The following ANO4 variants were observed in gnomAD, a reference collection of about 807,000 sequenced individuals.
ANO4 encodes the protein anoctamin-4.
A neutral mutation model predicts 141.9 loss-of-function variants in ANO4; 69 were observed. That is an observed-to-expected ratio of 0.49 (90% CI 0.40 to 0.59). ANO4 has a LOEUF of 0.59. Among genes scored for constraint, ANO4 ranks in the 20% least tolerant of loss-of-function variants. The pLI is 0.00. For missense variants in ANO4, 894 were observed against 1,162.2 expected (o/e 0.77, Z 3.36); for synonymous variants, 350 against 394.3 (o/e 0.89, Z 1.33).
chr12:100,987,635 C>T lies in ANO4; in HGVS notation c.699C>T (p.Cys233=). The change falls in exon 8 of 28, where the codon TGC becomes TGT. Residue 233 remains cysteine (C), a synonymous_variant. Coordinates refer to ENST00000392977, the MANE Select transcript of ANO4 (RefSeq NM_001286615.2). ...TGCCAGACCTGGAGGAGAATGACTG[C>T]TACACTGCCCCTTTCAGCCAGCAAA... ...ETLPDLEEND[C]YTAPFSQQRI... 1 of 1,614,074 alleles carries T rather than the reference C, an allele frequency of 6.2e-7. No individual in the cohort carries two copies. The highest frequency in any genetic ancestry group is 8.5e-7 in the Non-Finnish European group (1 of 1,179,986).
At chr12:100,886,573 C>G (rs1450037336) in intron 1 of ANO4, among the ~76,000 whole-genome samples, 1 of 152,170 alleles carries the variant, frequency 6.6e-6, no homozygotes, top group Non-Finnish European at 1.5e-5. Flanking sequence ...ACCCACCACT[C>G]TCTTTGTGAA....
At chr12:100,886,799 A>G (rs1159494686) in intron 1 of ANO4, among the ~76,000 whole-genome samples, 2 of 152,124 alleles carry the variant, frequency 1.3e-5, no homozygotes, top group African/African-American at 4.8e-5. Context: ...CCCAAAATAA[A>G]TTATGCTCTG....
chr12:101,037,360 T>C (rs1337200355), intron 10 of ANO4, among the ~76,000 whole-genome samples: 1 of 152,214 alleles, frequency 6.6e-6, no homozygotes, highest in Non-Finnish European at 1.5e-5. Flanking sequence ...ATTGCGAGAA[T>C]ACTTAAATCA....
intron 1 of ANO4, among the ~76,000 whole-genome samples, chr12:100,858,398 C>T (rs541406833): frequency 1.3e-5 from 2 of 151,922 alleles, no homozygotes; most frequent in African/African-American, 4.8e-5. Flanking sequence ...ATATGTGGTC[C>T]GTCATTATGA....
intron 2 of ANO4, among the ~76,000 whole-genome samples, chr12:100,919,732 GTATGTATC>G (rs1487070281): frequency 0.013 from 1,412 of 111,920 alleles, 10 homozygotes; most frequent in Middle Eastern, 0.018. Flanking sequence ...ATGTGTGTAT[GTATGTATC>G]TATCTATCTA....
intron 22 of ANO4, among the ~76,000 whole-genome samples, chr12:101,110,001 A>G (rs914515278): frequency 6.6e-6 from 1 of 152,094 alleles, no homozygotes; most frequent in Admixed American, 6.5e-5. Context: ...GGGTGCCTTC[A>G]AGTTTGTTCT....
chr12:100,982,058 A>C (rs1402110262), intron 7 of ANO4, among the ~76,000 whole-genome samples: 1 of 152,182 alleles, frequency 6.6e-6, no homozygotes, highest in African/African-American at 2.4e-5. Flanking sequence ...ATGAATCAGC[A>C]TGAAGGAAAC....
intron 26 of ANO4, among the ~76,000 whole-genome samples, chr12:101,121,929 T>A (rs2051113666): frequency 6.6e-6 from 1 of 151,938 alleles, no homozygotes; most frequent in Non-Finnish European, 1.5e-5. Flanking sequence ...ACCTGGCTAA[T>A]TTTTGTATTT....
At chr12:100,932,872 A>G (rs2042136675) in intron 3 of ANO4, among the ~76,000 whole-genome samples, 1 of 152,088 alleles carries the variant, frequency 6.6e-6, no homozygotes, top group Admixed American at 6.6e-5. Context: ...TTCAGTTATA[A>G]TATGTGAGTC....
chr12:100,767,248 T>C (rs1466353663), intron 3 of ANO4, among the ~76,000 whole-genome samples: 2 of 152,228 alleles, frequency 1.3e-5, no homozygotes, highest in African/African-American at 2.4e-5. Flanking sequence ...TTTGTAATTG[T>C]TTTCTGACTG....
At chr12:100,812,762 G>T (rs1415052298) in intron 1 of ANO4, among the ~76,000 whole-genome samples, 1 of 152,164 alleles carries the variant, frequency 6.6e-6, no homozygotes, top group African/African-American at 2.4e-5. Flanking sequence ...TTTCTCCCAG[G>T]AGTCCCTATG....
In ANO4 at chr12:101,043,570, A is replaced by C; in HGVS notation, c.1186A>C (p.Met396Leu). 1 of 1,613,844 alleles carries C rather than the reference A, an allele frequency of 6.2e-7. No homozygotes were observed. Among genetic ancestry groups the C allele is most frequent in the Non-Finnish European group, 8.5e-7 (1 of 1,179,840 alleles). Reference sequence around the variant, plus strand: ...AGTCTGCCAAGCTACAGATATCATCATGTGTCCTGTGTGTGATAAATACTG... The same window carrying C: ...AGTCTGCCAAGCTACAGATATCATCCTGTGTCCTGTGTGTGATAAATACTG... ...KEVCQATDII[M>L]CPVCDKYCPF... Residue 396 changes from methionine to leucine, a missense_variant, in exon 13 of 28, where the codon ATG (methionine) becomes CTG (leucine). Met to Leu is a conservative substitution (Grantham distance 15, BLOSUM62 2). This residue lies in a region of ANO4 where 637 missense variants were observed against 909.2 expected (regional missense o/e 0.70). Coordinates refer to ENST00000392977, the MANE Select transcript of ANO4 (RefSeq NM_001286615.2).
chr12:100,815,291 G>A (rs76866292), intron 1 of ANO4, among the ~76,000 whole-genome samples: 7,181 of 152,162 alleles, frequency 0.047, 227 homozygotes, highest in Middle Eastern at 0.078. Context: ...ATTTTTCTGA[G>A]CTTTCAGAGT....
At chr12:100,965,117 AC>A (rs2043595521) in intron 5 of ANO4, among the ~76,000 whole-genome samples, 1 of 152,170 alleles carries the variant, frequency 6.6e-6, no homozygotes, top group Non-Finnish European at 1.5e-5. Context: ...ATCTGCAAAG[AC>A]CACCATGATT....
chr12:100,787,083 G>C (rs2033896909), intron 3 of ANO4, among the ~76,000 whole-genome samples: 1 of 152,142 alleles, frequency 6.6e-6, no homozygotes. Flanking sequence ...TCTCCAGAGA[G>C]AGTTTATCTC....
chr12:100,810,080 G>A, intron 1 of ANO4, among the ~76,000 whole-genome samples: 1 of 152,122 alleles, frequency 6.6e-6, no homozygotes, highest in South Asian at 2.1e-4. Flanking sequence ...TGATATGTAA[G>A]TTGATATGTT....
intron 9 of ANO4, among the ~76,000 whole-genome samples, chr12:101,023,865 T>C (rs939966344): frequency 6.6e-6 from 1 of 152,224 alleles, no homozygotes; most frequent in African/African-American, 2.4e-5. Flanking sequence ...AGAAATAATA[T>C]GTTAGAAGAA....
At chr12:100,996,251 G>A (rs767622272) in intron 8 of ANO4, among the ~76,000 whole-genome samples, 3 of 152,124 alleles carry the variant, frequency 2.0e-5, no homozygotes, top group Non-Finnish European at 2.9e-5. Context: ...TTGCTTTCAC[G>A]CCTTTTTCTG....
At chr12:100,924,798 T>G (rs531823247) in intron 3 of ANO4, among the ~76,000 whole-genome samples, 14 of 152,176 alleles carry the variant, frequency 9.2e-5, no homozygotes, top group African/African-American at 3.4e-4. Flanking sequence ...AGAGGTGAAC[T>G]TAAATTTAAG....
Sources: allele counts gnomAD v4.1 joint callset (sites outside exome capture counted in the v4.1 genomes callset), GRCh38; gene constraint gnomAD v4.1.1; regional missense constraint gnomAD v4.1.1; transcripts MANE v1.5; gene names NCBI Gene and HGNC (gene_info 2026-07-23, HGNC 2026-07-21).